Variants in NCOA7 observed in about 807,000 individuals in gnomAD.
NCOA7 encodes the protein nuclear receptor coactivator 7, also known as 140 kDa estrogen receptor-associated protein.
NCOA7 carries 45 observed loss-of-function variants against 104.3 expected under a neutral mutation model. That is an observed-to-expected ratio of 0.43 (90% confidence interval 0.34 to 0.55). NCOA7 has a LOEUF of 0.55. Ranked by LOEUF, NCOA7 falls within the 20% of genes least tolerant of loss-of-function variation. The pLI is 0.02. For missense variants in NCOA7, 1,041 were observed against 1,119.7 expected, an observed-to-expected ratio of 0.93 and a Z score of 1.00; for synonymous variants, 398 against 402.3, an observed-to-expected ratio of 0.99 and a Z score of 0.13.
At position 125,841,159 on chromosome 6, in the gene NCOA7, G is replaced by A. The variant is rs528887550; in HGVS notation, c.51-13861G>A. 4.6e-5 allele frequency among the ~76,000 whole-genome samples: 7 copies of A among 151,716 alleles called. 2 individuals are homozygous for A. The highest frequency in any genetic ancestry group is 3.9e-4 in the Admixed American group (6 of 15,240). ...ACTGCCTCGGCTTCCCAAAGTGCTG[G>A]GATTACAGGTGTGAGCCACCGCGCC... On this transcript the variant is annotated intron_variant, in intron 2 of 15. Transcript: ENST00000392477.
At chr6:125,860,837 A>G (rs553846879) in intron 3 of NCOA7, among the ~76,000 whole-genome samples, 1 of 152,336 alleles carries the variant, frequency 6.6e-6, no homozygotes, top group African/African-American at 2.4e-5. Flanking sequence ...CATATTATAA[A>G]TAAGGGGGGA....
rs1562180233 is a variant in NCOA7 at position 125,915,454 on chromosome 6, A to G, written c.2218A>G (p.Ser740Gly). The G allele has an allele frequency of 1.2e-6, 2 of 1,613,898 alleles. 1 individual carries two copies. Among genetic ancestry groups the G allele is most frequent in the South Asian group, 2.2e-5 (2 of 91,082 alleles). The change falls in exon 11 of 16, where the codon AGT (serine) becomes GGT (glycine). Residue 740 changes from serine to glycine, a missense_variant. Ser to Gly is a moderately conservative substitution (Grantham distance 56, BLOSUM62 0). Coordinates refer to ENST00000392477, the MANE Select transcript of NCOA7 (RefSeq NM_181782.5). Reference protein sequence around the residue: ...EELNMIDNFFSEPTTKSWEII... With the variant: ...EELNMIDNFFGEPTTKSWEII... ...ACTGAACATGATTGACAACTTCTTC[A>G]GTGAGCCAACAACCAAGAGCTGGGA...
intron 3 of NCOA7, among the ~76,000 whole-genome samples, chr6:125,867,086 C>A (rs1180348293): frequency 2.0e-5 from 3 of 152,198 alleles, no homozygotes; most frequent in South Asian, 2.1e-4. Flanking sequence ...TATATCTTGT[C>A]ATTGTCTTGT....
At chr6:125,910,051 T>A (rs2128682404) in intron 10 of NCOA7, among the ~76,000 whole-genome samples, 1 of 152,342 alleles carries the variant, frequency 6.6e-6, no homozygotes. Context: ...GTCATTTTTG[T>A]GGCTGGATAA....
intron 5 of NCOA7, among the ~76,000 whole-genome samples, chr6:125,879,019 C>CT (rs1783608666): frequency 1.3e-5 from 2 of 152,116 alleles, no homozygotes; most frequent in Non-Finnish European, 2.9e-5. Flanking sequence ...TTACCTAATA[C>CT]TTTTTTTAAG....
At chr6:125,873,153 CGTGT>C (rs1294853458) in intron 3 of NCOA7, among the ~76,000 whole-genome samples, 3 of 151,998 alleles carry the variant, frequency 2.0e-5, no homozygotes, top group African/African-American at 7.3e-5. Flanking sequence ...GAGACATTTC[CGTGT>C]GTGTGTATGT....
rs149074027 is a variant in NCOA7 at position 125,803,556 on chromosome 6, A to G, written c.-64-11735A>G. On this transcript the variant is annotated intron_variant, in intron 1 of 15. Coordinates refer to ENST00000392477, the MANE Select transcript of NCOA7 (RefSeq NM_181782.5). ...CTCTCCATGTAAATATGCTGAAAGC[A>G]CATTAAAAAAATGATAATTCAGTTA... Among the ~76,000 whole-genome samples the G allele has an allele frequency of 3.3e-3, 505 of 152,378 alleles. 2 individuals are homozygous for G. Among genetic ancestry groups the G allele is most frequent in the Non-Finnish European group, 5.2e-3 (351 of 68,034 alleles).
intron 13 of NCOA7, 65 bp from the exon 14 acceptor site, chr6:125,927,598 C>A: frequency 8.1e-7 from 1 of 1,231,054 alleles, no homozygotes; most frequent in Non-Finnish European, 1.2e-6. Flanking sequence ...CAAAAATATT[C>A]CAGAAAGCCT....
intron 10 of NCOA7, among the ~76,000 whole-genome samples, chr6:125,911,362 C>T (rs1000089583): frequency 6.6e-6 from 1 of 152,212 alleles, no homozygotes; most frequent in Admixed American, 6.5e-5. Flanking sequence ...AACATGCCTC[C>T]CTTCTCTTTT....
chr6:125,838,270 T>A (rs989780523), intron 2 of NCOA7, among the ~76,000 whole-genome samples: 41 of 152,124 alleles, frequency 2.7e-4, no homozygotes, highest in African/African-American at 9.6e-4. Context: ...AAATCAAGAT[T>A]ACAGTGGCAA....
chr6:125,882,411 T>G lies in NCOA7; in HGVS notation c.574-15T>G. ...AGTGCTTTTATTTGATTTTGAAATTTTTTGCTTTCACAAGGATGCTGACTT... is the reference window on the plus strand; with the variant it reads ...AGTGCTTTTATTTGATTTTGAAATTGTTTGCTTTCACAAGGATGCTGACTT... On this transcript the variant is annotated splice_polypyrimidine_tract_variant and intron_variant, in intron 6 of 15. Transcript: ENST00000392477. 1 of 1,608,842 alleles carries G rather than the reference T, an allele frequency of 6.2e-7. No homozygotes were observed. Among genetic ancestry groups the G allele is most frequent in the Non-Finnish European group, 8.5e-7 (1 of 1,178,720 alleles).
At chr6:125,835,398 G>A (rs142343742) in intron 2 of NCOA7, among the ~76,000 whole-genome samples, 18 of 151,838 alleles carry the variant, frequency 1.2e-4, no homozygotes, top group African/African-American at 4.1e-4. Flanking sequence ...AAAAAAAAAA[G>A]GAATATGGAG....
upstream of NCOA7, among the ~76,000 whole-genome samples, chr6:125,786,898 G>T (rs1454689159): frequency 6.6e-6 from 1 of 152,162 alleles, no homozygotes; most frequent in Non-Finnish European, 1.5e-5. Context: ...TGTAGTCCCA[G>T]CACTTTGGCA....
chr6:125,873,153 C>T (rs908300732), intron 3 of NCOA7, among the ~76,000 whole-genome samples: 4 of 151,998 alleles, frequency 2.6e-5, no homozygotes, highest in Admixed American at 2.0e-4. Flanking sequence ...GAGACATTTC[C>T]GTGTGTGTGT....
intron 3 of NCOA7, among the ~76,000 whole-genome samples, chr6:125,867,771 G>C (rs1015775130): frequency 6.6e-6 from 1 of 152,180 alleles, no homozygotes; most frequent in Non-Finnish European, 1.5e-5. Flanking sequence ...TAAACACTGT[G>C]CTAGAATTGC....
Position 125,864,636 on chromosome 6 carries a change from A to G in NCOA7, c.271+9396A>G, listed in dbSNP as rs1038205399. Among the ~76,000 whole-genome samples, 7 of 135,946 alleles carry G rather than the reference A, an allele frequency of 5.1e-5. 2 individuals are homozygous for G. Among genetic ancestry groups the G allele is most frequent in the Non-Finnish European group, 9.3e-5 (6 of 64,522 alleles). The allele number at this position is 135,946 out of a possible 152,430, so 89.2% of individuals were successfully genotyped here. A position where few individuals can be genotyped will look rare whatever the true frequency, so the allele number is the denominator to read the frequency against. On this transcript the variant is annotated intron_variant, in intron 3 of 15. Transcript: ENST00000392477. Reference sequence around the variant, plus strand: ...ATGATTGGGATTAGTGTTCTTAGCAAAGAGACTTCAGAGAGCTGCCTGGTT... The same window carrying G: ...ATGATTGGGATTAGTGTTCTTAGCAGAGAGACTTCAGAGAGCTGCCTGGTT...
chr6:125,917,400 A>G (rs563682507), intron 11 of NCOA7, among the ~76,000 whole-genome samples: 1 of 152,040 alleles, frequency 6.6e-6, no homozygotes, highest in South Asian at 2.1e-4. Flanking sequence ...CCCAGAATCC[A>G]TCTCTGCATT....
intron 2 of NCOA7, chr6:125,818,902 A>ATT (rs1468437148): frequency 6.6e-6 from 1 of 152,368 alleles, no homozygotes; most frequent in Admixed American, 6.5e-5. Flanking sequence ...GAAGGATAAA[A>ATT]TGTCAGGCCA....
At chr6:125,790,273 A>G (rs888717755), upstream of NCOA7, among the ~76,000 whole-genome samples, 3 of 152,242 alleles carry the variant, frequency 2.0e-5, no homozygotes, top group Non-Finnish European at 1.5e-5. Context: ...AAAGCTGGGG[A>G]AAAGCTCTAA....
Sources: allele counts gnomAD v4.1 joint callset (sites outside exome capture counted in the v4.1 genomes callset), GRCh38; gene constraint gnomAD v4.1.1; transcripts MANE v1.5; gene names NCBI Gene and HGNC (gene_info 2026-07-23, HGNC 2026-07-21).